DENND5A: variants seen among roughly 807,000 people sequenced by gnomAD.
DENND5A encodes the protein DENN domain-containing protein 5A.
Under a neutral mutation model 140.3 loss-of-function variants are expected in DENND5A, and 64 were observed. The observed-to-expected ratio is 0.46, with a 90% CI of 0.37 to 0.56. The LOEUF is 0.56. DENND5A is among the 20% of genes least tolerant of loss of function. The probability of loss-of-function intolerance (pLI) is 0.00; values close to 1 mark genes in which losing one functional copy is unlikely to be tolerated. For synonymous variants in DENND5A, 605 were observed against 607.7 expected (o/e 1.00, Z 0.07); for missense variants, 1,292 against 1,593.8 (o/e 0.81, Z 3.22).
rs113966499 is a variant in DENND5A, at chr11:9,220,879, C to T, written c.110-13247G>A. On this transcript the variant is annotated intron_variant, in intron 1 of 22. Transcript: ENST00000328194. ...CTGCACTCCAGCTTGGGCGACAAAG[C>T]GAGACTCTGTCTCAAAAAAAAAAAG... Among the ~76,000 whole-genome samples, 348 of 151,106 alleles carry T rather than the reference C, an allele frequency of 2.3e-3. 2 individuals carry two copies. The highest frequency in any genetic ancestry group is 8.1e-3 in the African/African-American group (332 of 41,158).
At chr11:9,245,250 ACCTGAG>A (rs1048939247) in intron 1 of DENND5A, 1 of 147,360 alleles carries the variant, frequency 6.8e-6, no homozygotes, top group African/African-American at 2.5e-5. Flanking sequence ...GTGCCACTGC[ACCTGAG>A]CCTGGCGACA....
rs548812201 is a variant in DENND5A, at chr11:9,239,916, T to A, written c.109+25045A>T. 2.6e-5 allele frequency among the ~76,000 whole-genome samples: 4 copies of A among 152,350 alleles called. No individual in the cohort carries two copies. In the East Asian group the frequency reaches 7.7e-4, roughly 29 times the overall value. Reference sequence around the variant, plus strand: ...GATTCTATAATTTATGTATAGTCCCTCGGGTATTTTTCCACATATTAAGTG... The same window carrying A: ...GATTCTATAATTTATGTATAGTCCCACGGGTATTTTTCCACATATTAAGTG... On this transcript the variant is annotated intron_variant, in intron 1 of 22. Coordinates refer to ENST00000328194, the MANE Select transcript of DENND5A (RefSeq NM_015213.4).
intron 1 of DENND5A, among the ~76,000 whole-genome samples, chr11:9,254,496 C>T (rs1345009296): frequency 1.3e-5 from 2 of 152,160 alleles, no homozygotes; most frequent in Non-Finnish European, 2.9e-5. Context: ...GAACTCTTTC[C>T]GTACTTCAGT....
intron 5 of DENND5A, among the ~76,000 whole-genome samples, chr11:9,189,321 G>A (rs1333047480): frequency 1.3e-5 from 2 of 152,216 alleles, no homozygotes; most frequent in African/African-American, 4.8e-5. Context: ...TGCAGGGACA[G>A]GGCCCTCATG....
intron 16 of DENND5A, 88 bp downstream of exon 16, chr11:9,146,942 T>C: frequency 6.8e-7 from 1 of 1,467,274 alleles, no homozygotes; most frequent in Non-Finnish European, 9.4e-7. Context: ...ATAATCTTCT[T>C]TCTTTAAAAA....
chr11:9,211,676 G>A (rs1349095399), intron 1 of DENND5A, among the ~76,000 whole-genome samples: 1 of 152,136 alleles, frequency 6.6e-6, no homozygotes, highest in Non-Finnish European at 1.5e-5. Context: ...GCTCACTCCT[G>A]TAATCCCAGG....
intron 8 of DENND5A, among the ~76,000 whole-genome samples, chr11:9,177,497 A>ATT (rs112442431): frequency 1.6e-4 from 24 of 149,446 alleles, no homozygotes; most frequent in Middle Eastern, 3.5e-3. Context: ...AAAAAAAAAA[A>ATT]TTTTTTAATT....
chr11:9,207,747 T>G, intron 1 of DENND5A, 115 bp from the exon 2 acceptor site: 5 of 706,286 alleles, frequency 7.1e-6, no homozygotes, highest in Non-Finnish European at 2.4e-6. Flanking sequence ...AACACATACA[T>G]GTATGTGTAT....
intron 1 of DENND5A, among the ~76,000 whole-genome samples, chr11:9,241,915 G>A (rs1404329427): frequency 1.3e-5 from 2 of 151,560 alleles, no homozygotes; most frequent in Non-Finnish European, 1.5e-5. Flanking sequence ...TCGGGAGGCT[G>A]AGGCAGGAGA....
chr11:9,161,907 C>T (rs1279320861), intron 11 of DENND5A, among the ~76,000 whole-genome samples: 1 of 151,198 alleles, frequency 6.6e-6, no homozygotes, highest in Admixed American at 6.6e-5. Context: ...AAAATCTATA[C>T]GTAATATAGC....
At chr11:9,234,624 G>A (rs542962229) in intron 1 of DENND5A, among the ~76,000 whole-genome samples, 17 of 152,286 alleles carry the variant, frequency 1.1e-4, no homozygotes, top group East Asian at 3.9e-4. Context: ...TAAAGGTTAC[G>A]GGTTTACCAG....
chr11:9,257,797 CTT>C (rs749671777), intron 1 of DENND5A, among the ~76,000 whole-genome samples: 12 of 132,580 alleles, frequency 9.1e-5, no homozygotes, highest in African/African-American at 8.4e-5. Flanking sequence ...ACACAGTATT[CTT>C]TTTTTTTTTT....
intron 8 of DENND5A, chr11:9,172,280 T>C (rs1848396889): frequency 6.6e-6 from 1 of 152,138 alleles, no homozygotes; most frequent in Non-Finnish European, 1.5e-5. Context: ...TGAAGGAAAC[T>C]ACACCAAGCC....
At chr11:9,238,451 G>C (rs1228450336) in intron 1 of DENND5A, among the ~76,000 whole-genome samples, 1 of 148,892 alleles carries the variant, frequency 6.7e-6, no homozygotes, top group Non-Finnish European at 1.5e-5. Context: ...AGATGCAGTC[G>C]CGCTCTGTCA....
chr11:9,183,853 T>C (rs111392224), intron 5 of DENND5A, among the ~76,000 whole-genome samples: 1,838 of 152,264 alleles, frequency 0.012, 35 homozygotes, highest in African/African-American at 0.041. Context: ...ATTCCACCAA[T>C]ATGAATATAA....
At chr11:9,185,994 G>A (rs1360818329) in intron 5 of DENND5A, among the ~76,000 whole-genome samples, 1 of 152,166 alleles carries the variant, frequency 6.6e-6, no homozygotes, top group Non-Finnish European at 1.5e-5. Context: ...AGACACTGAA[G>A]GGTAGGCGTA....
At chr11:9,172,232 G>A (rs1306044902) in intron 8 of DENND5A, 2 of 152,104 alleles carry the variant, frequency 1.3e-5, no homozygotes, top group Non-Finnish European at 2.9e-5. Context: ...AAAATCCACA[G>A]ATCTAAAAAG....
At chr11:9,234,986 T>C (rs1028243245) in intron 1 of DENND5A, among the ~76,000 whole-genome samples, 1 of 152,118 alleles carries the variant, frequency 6.6e-6, no homozygotes, top group Non-Finnish European at 1.5e-5. Flanking sequence ...GCCGCTGGGT[T>C]AGGGTCTCCC....
intron 1 of DENND5A, among the ~76,000 whole-genome samples, chr11:9,221,149 G>A (rs188919777): frequency 2.6e-5 from 4 of 151,942 alleles, no homozygotes; most frequent in East Asian, 3.9e-4. Context: ...ACATTCAATC[G>A]GCTGGACACG....
Sources: allele counts gnomAD v4.1 joint callset (sites outside exome capture counted in the v4.1 genomes callset), GRCh38; gene constraint gnomAD v4.1.1; transcripts MANE v1.5; gene names NCBI Gene and HGNC (gene_info 2026-07-23, HGNC 2026-07-21).